Variants in ERAP1 observed in about 807,000 individuals in gnomAD.
ERAP1 encodes the protein endoplasmic reticulum aminopeptidase 1, also known as adipocyte-derived leucine aminopeptidase.
A neutral mutation model predicts 103.7 loss-of-function variants in ERAP1; 86 were observed. The observed-to-expected ratio is 0.83, with a 90% CI of 0.70 to 0.99. The LOEUF is 0.99. Among genes scored for constraint, ERAP1 ranks in the 50% least tolerant of loss-of-function variants. ERAP1 has a pLI of 0.00. For synonymous variants in ERAP1, 398 were observed against 402.4 expected (o/e 0.99, Z 0.13); for missense variants, 1,009 against 1,128.4 (o/e 0.89, Z 1.52).
At chr5:96,842,244 A>G in the ERAP1 span, among the ~76,000 whole-genome samples, 1 of 152,154 alleles carries the variant, frequency 6.6e-6, no homozygotes, top group Non-Finnish European at 1.5e-5. Flanking sequence ...GTGCTGCTAT[A>G]AACGTGTGTG....
chr5:96,912,722 C>T, the ERAP1 span: 1 of 1,603,880 alleles, frequency 6.2e-7, no homozygotes, highest in Non-Finnish European at 8.5e-7. Context: ...GCAATATGAA[C>T]TGTCAATGTC....
At chr5:96,844,188 T>C in the ERAP1 span, among the ~76,000 whole-genome samples, 2 of 152,220 alleles carry the variant, frequency 1.3e-5, no homozygotes, top group Non-Finnish European at 2.9e-5. Context: ...ACTGCTAATG[T>C]AATATAATTC....
At chr5:96,889,964 A>G in the ERAP1 span, among the ~76,000 whole-genome samples, 1 of 152,144 alleles carries the variant, frequency 6.6e-6, no homozygotes, top group Non-Finnish European at 1.5e-5. Flanking sequence ...GTTTATGTAG[A>G]GAGAGAACTG....
the ERAP1 span, among the ~76,000 whole-genome samples, chr5:96,846,771 C>G: frequency 6.7e-6 from 1 of 150,340 alleles, no homozygotes; most frequent in African/African-American, 2.5e-5. Context: ...AAAGTATAAA[C>G]TCAGAAATGG....
the ERAP1 span, among the ~76,000 whole-genome samples, chr5:96,887,089 A>ATATAT: frequency 7.4e-5 from 7 of 95,168 alleles, no homozygotes; most frequent in Non-Finnish European, 1.3e-4. Context: ...ATATATATAT[A>ATATAT]TATATATATA....
chr5:96,780,864 A>G (rs1775064625), intron 17 of ERAP1, among the ~76,000 whole-genome samples, 194 bp downstream of exon 17: 1 of 152,256 alleles, frequency 6.6e-6, no homozygotes, highest in Admixed American at 6.5e-5. Context: ...AATGGAAAAC[A>G]TCCCTGTCCA....
At chr5:96,863,189 C>T in the ERAP1 span, among the ~76,000 whole-genome samples, 1 of 152,176 alleles carries the variant, frequency 6.6e-6, no homozygotes, top group East Asian at 1.9e-4. Context: ...CCTCAGGCTC[C>T]TCTCCATTCT....
At chr5:96,893,997 A>G in the ERAP1 span, among the ~76,000 whole-genome samples, 1 of 152,188 alleles carries the variant, frequency 6.6e-6, no homozygotes, top group Non-Finnish European at 1.5e-5. Flanking sequence ...TGTCCTGGCA[A>G]AACTGATTAT....
Position 96,776,096 on chromosome 5 carries a change from A to AT in ERAP1, c.*299_*300insA, listed in dbSNP as rs1421341737. 2 of 1,312,938 alleles carry AT rather than the reference A, an allele frequency of 1.5e-6. No individual in the cohort carries two copies. Among genetic ancestry groups the AT allele is most frequent in the Non-Finnish European group, 2.0e-6 (2 of 1,009,274 alleles). The allele number at this position is 1,312,938 out of a possible 1,614,324, so 81.3% of individuals were successfully genotyped here. ...AAACATGGGGTACAGGGTTTTGGAC[A>AT]CGGGTGCTTAAGCATAAACTATAAA... is the stretch of plus-strand genomic sequence containing the variant. On this transcript the variant is annotated 3_prime_UTR_variant, in exon 19 of 19. Transcript: ENST00000443439.
At position 96,783,248 on chromosome 5, in the gene ERAP1, T is replaced by G. The variant is rs752542003; in HGVS notation, c.2101-13A>C. 3 of 1,605,022 alleles carry G rather than the reference T, an allele frequency of 1.9e-6. No homozygotes were observed. The highest frequency in any genetic ancestry group is 2.6e-6 in the Non-Finnish European group (3 of 1,173,240). On this transcript the variant is annotated splice_polypyrimidine_tract_variant and intron_variant, in intron 14 of 18. Transcript: ENST00000443439. Reference sequence around the variant, plus strand: ...TGATGAGGAAGGCCTGAGGGCGTTGTACAGGGAAACAGGGACCAGTATTGT... The same window carrying G: ...TGATGAGGAAGGCCTGAGGGCGTTGGACAGGGAAACAGGGACCAGTATTGT...
the ERAP1 span, among the ~76,000 whole-genome samples, chr5:96,836,100 T>A: frequency 6.6e-6 from 1 of 151,484 alleles, no homozygotes. Flanking sequence ...ATAATATTTC[T>A]GGTATTGAAA....
chr5:96,820,601 T>C, the ERAP1 span, among the ~76,000 whole-genome samples: 1 of 152,054 alleles, frequency 6.6e-6, no homozygotes, highest in Non-Finnish European at 1.5e-5. Flanking sequence ...ATAAAATTGC[T>C]ACTAATTCTG....
At position 96,784,001 on chromosome 5, in the gene ERAP1, G is replaced by A. The variant is rs1338734153; in HGVS notation, c.2023C>T (p.Gln675Ter). ...ATAGGAATCAGCTCATTCAAACCTT[G>A]AAACACGGGCATAATTTCAGTTTCA... ...KHETEIMPVF[Q>*]GLNELIPMYK... Residue 675 changes from glutamine (Q) to a stop codon, truncating the protein, a stop_gained, in exon 14 of 19, where the codon CAA (glutamine) becomes TAA (stop). Transcript: ENST00000443439. LOFTEE classifies it high-confidence loss of function. 1.2e-6 allele frequency: 2 copies of A among 1,613,726 alleles called. No homozygotes were observed. The highest frequency in any genetic ancestry group is 1.7e-6 in the Non-Finnish European group (2 of 1,179,942).
chr5:96,817,511 A>G, the ERAP1 span, among the ~76,000 whole-genome samples: 1 of 152,260 alleles, frequency 6.6e-6, no homozygotes, highest in Non-Finnish European at 1.5e-5. Flanking sequence ...TCAGGGTTCA[A>G]TGGCAGAGCA....
At chr5:96,802,102 G>A (rs1778077019) in intron 2 of ERAP1, among the ~76,000 whole-genome samples, 2 of 151,892 alleles carry the variant, frequency 1.3e-5, no homozygotes, top group South Asian at 4.2e-4. Flanking sequence ...AAATGACAAA[G>A]TTTATCAAAA....
the ERAP1 span, chr5:96,901,770 T>C: frequency 7.6e-7 from 1 of 1,317,810 alleles, no homozygotes; most frequent in Non-Finnish European, 1.0e-6. Context: ...CTGGCAACTT[T>C]GTAGGATGCT....
At chr5:96,861,573 G>C in the ERAP1 span, among the ~76,000 whole-genome samples, 1 of 152,272 alleles carries the variant, frequency 6.6e-6, no homozygotes, top group African/African-American at 2.4e-5. Context: ...CTGATGCTGT[G>C]GATACCATTC....
At chr5:96,788,881 T>A (rs1372405293) in intron 10 of ERAP1, among the ~76,000 whole-genome samples, 196 bp from the exon 11 acceptor site, 3 of 152,214 alleles carry the variant, frequency 2.0e-5, no homozygotes, top group Non-Finnish European at 4.4e-5. Context: ...GCTTGTCATT[T>A]TCCTCCACTA....
chr5:96,811,383 C>A (rs938041682), upstream of ERAP1, among the ~76,000 whole-genome samples: 4 of 152,158 alleles, frequency 2.6e-5, no homozygotes, highest in Non-Finnish European at 4.4e-5. Context: ...TGTACTTATG[C>A]AGGTGGCTAG....
Sources: gnomAD v4.1 joint callset for allele counts (sites outside exome capture counted in the v4.1 genomes callset) on GRCh38, gnomAD v4.1.1 for gene constraint, MANE v1.5 for transcripts, NCBI Gene and HGNC (gene_info 2026-07-23, HGNC 2026-07-21) for gene names.